The following ZNF385D variants were observed in gnomAD, a reference collection of about 807,000 sequenced individuals.
The protein encoded by ZNF385D is zinc finger protein 385D, also known as zinc finger protein 659.
Under a neutral mutation model 35.8 loss-of-function variants are expected in ZNF385D, and 15 were observed. That is an observed-to-expected ratio of 0.42 (90% CI 0.28 to 0.64). ZNF385D has a LOEUF of 0.64. Ranked by LOEUF, ZNF385D falls within the 30% of genes least tolerant of loss-of-function variation. The pLI is 0.23. For synonymous variants in ZNF385D, 212 were observed against 186.8 expected (o/e 1.13, Z -1.10); for missense variants, 474 against 494.6 (o/e 0.96, Z 0.39).
At chr3:21,675,786 C>A (rs1490353221) in intron 1 of ZNF385D, among the ~76,000 whole-genome samples, 9 of 152,024 alleles carry the variant, frequency 5.9e-5, no homozygotes, top group Non-Finnish European at 7.4e-5. Context: ...GTTGAGTCTA[C>A]CAGATAACCA....
intron 2 of ZNF385D, among the ~76,000 whole-genome samples, chr3:22,353,114 T>A (rs1181848349): frequency 6.6e-6 from 1 of 152,182 alleles, no homozygotes; most frequent in Non-Finnish European, 1.5e-5. Flanking sequence ...GTTTGTTACA[T>A]CCTATTCCTT....
intron 2 of ZNF385D, among the ~76,000 whole-genome samples, chr3:22,174,181 G>C (rs889321762): frequency 1.6e-4 from 24 of 152,092 alleles, no homozygotes; most frequent in African/African-American, 5.6e-4. Flanking sequence ...GTGTATTTTA[G>C]TTGACAACCA....
At chr3:21,967,711 A>T (rs372542265) in intron 3 of ZNF385D, among the ~76,000 whole-genome samples, 1 of 152,216 alleles carries the variant, frequency 6.6e-6, no homozygotes, top group Admixed American at 6.5e-5. Context: ...CTGGGGAAAC[A>T]ACAATTAGAG....
At chr3:21,868,466 G>A (rs763618598) in intron 3 of ZNF385D, among the ~76,000 whole-genome samples, 13 of 152,058 alleles carry the variant, frequency 8.5e-5, no homozygotes, top group Non-Finnish European at 1.3e-4. Flanking sequence ...TTCCACTTCT[G>A]GTTAACATTT....
intron 7 of ZNF385D, among the ~76,000 whole-genome samples, chr3:21,422,067 T>G (rs1479506495): frequency 2.0e-5 from 3 of 152,246 alleles, no homozygotes; most frequent in African/African-American, 7.2e-5. Flanking sequence ...AGCCAGTTCA[T>G]TCTCTGGCTA....
chr3:21,981,363 GTCT>G (rs546450640), intron 3 of ZNF385D, among the ~76,000 whole-genome samples: 103 of 152,210 alleles, frequency 6.8e-4, no homozygotes, highest in African/African-American at 2.3e-3. Flanking sequence ...CTGCCTGCAT[GTCT>G]TCTTTTGAGA....
intron 4 of ZNF385D, among the ~76,000 whole-genome samples, chr3:21,497,148 A>C (rs2125425444): frequency 6.6e-6 from 1 of 152,122 alleles, no homozygotes; most frequent in South Asian, 2.1e-4. Flanking sequence ...TATCTAGAAA[A>C]CCCCATAGTC....
At chr3:21,566,000 T>A (rs1303252798) in intron 2 of ZNF385D, among the ~76,000 whole-genome samples, 1 of 152,206 alleles carries the variant, frequency 6.6e-6, no homozygotes, top group Non-Finnish European at 1.5e-5. Flanking sequence ...ACAGGCTCTC[T>A]TCACTGGAAG....
intron 3 of ZNF385D, among the ~76,000 whole-genome samples, chr3:22,045,893 T>C (rs1274537323): frequency 1.3e-5 from 2 of 152,070 alleles, no homozygotes; most frequent in East Asian, 1.9e-4. Context: ...GGTAGAATTA[T>C]AATGGAGATC....
intron 3 of ZNF385D, among the ~76,000 whole-genome samples, chr3:22,008,906 A>T (rs1696387748): frequency 6.6e-6 from 1 of 152,224 alleles, no homozygotes; most frequent in African/African-American, 2.4e-5. Flanking sequence ...AATTAATGAG[A>T]GGCATGTCTA....
intron 2 of ZNF385D, among the ~76,000 whole-genome samples, chr3:22,307,029 G>A (rs918223822): frequency 3.3e-5 from 5 of 152,028 alleles, no homozygotes; most frequent in Non-Finnish European, 1.5e-5. Context: ...TCTGTAGAGG[G>A]GATTTACTCT....
At chr3:21,874,865 G>A (rs1697881181) in intron 3 of ZNF385D, among the ~76,000 whole-genome samples, 1 of 152,080 alleles carries the variant, frequency 6.6e-6, no homozygotes. Context: ...TCATGAACAT[G>A]AGATGCATTT....
chr3:22,087,309 G>A (rs578064154), intron 3 of ZNF385D, among the ~76,000 whole-genome samples: 2 of 151,678 alleles, frequency 1.3e-5, no homozygotes, highest in East Asian at 1.9e-4. Flanking sequence ...TTTCCTCTAA[G>A]CCTTTTATTT....
intron 3 of ZNF385D, among the ~76,000 whole-genome samples, chr3:21,991,096 G>A (rs1230668410): frequency 6.6e-6 from 1 of 152,152 alleles, no homozygotes; most frequent in African/African-American, 2.4e-5. Flanking sequence ...TTATGAAAAT[G>A]TAAGTAATCA....
At chr3:21,891,676 A>G (rs2125883259) in intron 3 of ZNF385D, among the ~76,000 whole-genome samples, 1 of 152,346 alleles carries the variant, frequency 6.6e-6, no homozygotes, top group Admixed American at 6.5e-5. Context: ...ATATTCTAAC[A>G]CAAGTGGTTA....
At chr3:21,928,568 T>C (rs1219193523) in intron 3 of ZNF385D, among the ~76,000 whole-genome samples, 1 of 152,082 alleles carries the variant, frequency 6.6e-6, no homozygotes, top group Non-Finnish European at 1.5e-5. Flanking sequence ...TAATTTGTTA[T>C]TTGAAAAGGT....
chr3:22,014,799 CACAAT>C lies in ZNF385D; in HGVS notation c.325+154013_325+154017del, dbSNP rs374807389. ...TGTAAATATTGACAAAATCAAAATGCACAATACAATAAATACTAAAAATGGCTGAC... is the reference window on the plus strand; with the variant it reads ...TGTAAATATTGACAAAATCAAAATGCACAATAAATACTAAAAATGGCTGAC... On this transcript the variant is annotated intron_variant, in intron 3 of 5. Transcript: ENST00000494108. Among the ~76,000 whole-genome samples, 80 of 152,032 alleles carry C rather than the reference CACAAT, an allele frequency of 5.3e-4. 1 individual carries two copies. Among genetic ancestry groups the C allele is most frequent in the African/African-American group, 1.9e-3 (77 of 41,492 alleles).
Position 21,554,326 on chromosome 3 carries a change from A to G in ZNF385D, c.276+10248T>C, listed in dbSNP as rs370113201. 8.7e-4 allele frequency among the ~76,000 whole-genome samples: 132 copies of G among 152,334 alleles called. 2 individuals are homozygous for G. The South Asian group carries it at 0.019, about 22-fold the overall frequency. On this transcript the variant is annotated intron_variant, in intron 3 of 7. Transcript: ENST00000281523. ...GTTATGAGGTACATTGTCAATGAAC[A>G]GTAATATTTTGAAAGAAATCTTTTT...
At chr3:22,021,365 C>A (rs1697215708) in intron 3 of ZNF385D, among the ~76,000 whole-genome samples, 1 of 151,890 alleles carries the variant, frequency 6.6e-6, no homozygotes, top group African/African-American at 2.4e-5. Context: ...TGTTAGAAAT[C>A]CACAACACAA....
Sources: allele counts gnomAD v4.1 joint callset (sites outside exome capture counted in the v4.1 genomes callset), GRCh38; gene constraint gnomAD v4.1.1; transcripts MANE v1.5; gene names NCBI Gene and HGNC (gene_info 2026-07-23, HGNC 2026-07-21).